DAB1: variants seen among roughly 807,000 people sequenced by gnomAD.
The protein encoded by DAB1 is disabled homolog 1.
A neutral mutation model predicts 64.6 loss-of-function variants in DAB1; 15 were observed. The ratio of observed to expected loss-of-function variants is 0.23; its 90% CI spans 0.16 to 0.36. The LOEUF is 0.36. Ranked by LOEUF, DAB1 falls within the 10% of genes least tolerant of loss-of-function variation. DAB1 has a pLI of 1.00. For synonymous variants in DAB1, 235 were observed against 251.9 expected (o/e 0.93, Z 0.64); for missense variants, 596 against 706.7 (o/e 0.84, Z 1.78).
chr1:58,418,990 G>A (rs1644747203), intron 3 of DAB1, among the ~76,000 whole-genome samples: 1 of 152,158 alleles, frequency 6.6e-6, no homozygotes, highest in South Asian at 2.1e-4. Flanking sequence ...ATGTTAGGGT[G>A]AATTCTTAAG....
intron 3 of DAB1, among the ~76,000 whole-genome samples, chr1:58,429,343 G>T (rs999075535): frequency 6.6e-6 from 1 of 152,200 alleles, no homozygotes; most frequent in Admixed American, 6.5e-5. Flanking sequence ...GAGAGCAGGC[G>T]GGGACAGAAA....
intron 3 of DAB1, among the ~76,000 whole-genome samples, chr1:58,473,397 C>CCGGGCGCGGTGG: frequency 6.6e-6 from 1 of 151,878 alleles, no homozygotes; most frequent in African/African-American, 2.4e-5. Context: ...AAAAAATTAG[C>CCGGGCGCGGTGG]CGGGCGCGGT....
intron 1 of DAB1, chr1:58,536,763 A>G: frequency 2.3e-6 from 2 of 863,156 alleles, no homozygotes; most frequent in South Asian, 1.3e-5. Flanking sequence ...AGAAAAATTC[A>G]AAGTTCTGAA....
At chr1:57,287,062 C>T (rs770583308) in intron 2 of DAB1, among the ~76,000 whole-genome samples, 4 of 151,928 alleles carry the variant, frequency 2.6e-5, no homozygotes, top group Middle Eastern at 3.2e-3. Flanking sequence ...GGGGAACTAA[C>T]AAGGTATGTT....
chr1:57,915,998 T>A lies in DAB1; in HGVS notation n.388-31836A>T, dbSNP rs557919448. ...AACTCCACTTCGTTGTTGGTTGGCATTGCTGCTTCCAGCCTGCTGCCAGTT... is the reference window on the plus strand; with the variant it reads ...AACTCCACTTCGTTGTTGGTTGGCAATGCTGCTTCCAGCCTGCTGCCAGTT... On this transcript the variant is annotated intron_variant and non_coding_transcript_variant, in intron 5 of 20. Transcript: ENST00000485760. Among the ~76,000 whole-genome samples, 53 of 152,216 alleles carry A rather than the reference T, an allele frequency of 3.5e-4. 1 individual carries two copies. The highest frequency in any genetic ancestry group is 6.3e-4 in the Non-Finnish European group (43 of 68,028).
intron 5 of DAB1, among the ~76,000 whole-genome samples, chr1:57,952,051 G>A (rs557534275): frequency 2.0e-5 from 3 of 152,144 alleles, no homozygotes; most frequent in Non-Finnish European, 2.9e-5. Flanking sequence ...TTTTACTAAT[G>A]CACCTCCTAC....
At chr1:58,463,592 A>G (rs928754145) in intron 3 of DAB1, among the ~76,000 whole-genome samples, 8 of 152,250 alleles carry the variant, frequency 5.3e-5, no homozygotes, top group Non-Finnish European at 1.2e-4. Flanking sequence ...TCTCATATGC[A>G]TAAGGTCATA....
intron 4 of DAB1, among the ~76,000 whole-genome samples, chr1:58,212,425 G>A (rs1257611814): frequency 1.3e-5 from 2 of 152,164 alleles, no homozygotes; most frequent in Admixed American, 1.3e-4. Flanking sequence ...TAAATTCATA[G>A]AGGTAACCTG....
At chr1:57,179,154 C>T (rs1477579101) in intron 2 of DAB1, among the ~76,000 whole-genome samples, 2 of 152,108 alleles carry the variant, frequency 1.3e-5, no homozygotes, top group East Asian at 3.9e-4. Flanking sequence ...AGCAAATGGG[C>T]ACATGGGGTT....
At chr1:57,355,346 TCCTTCCTTCCTTC>T (rs1679000599) in intron 1 of DAB1, among the ~76,000 whole-genome samples, 1 of 151,474 alleles carries the variant, frequency 6.6e-6, no homozygotes, top group Non-Finnish European at 1.5e-5. Context: ...CATCCTCCCT[TCCTTCCTTCCTTC>T]CCTTCCTTCC....
chr1:58,372,357 C>A (rs1416181681), intron 3 of DAB1, among the ~76,000 whole-genome samples: 1 of 152,200 alleles, frequency 6.6e-6, no homozygotes, highest in Non-Finnish European at 1.5e-5. Context: ...TGGCCAATTT[C>A]TCCCATTTAG....
chr1:58,162,048 C>G (rs1178335855), intron 4 of DAB1, among the ~76,000 whole-genome samples: 1 of 152,008 alleles, frequency 6.6e-6, no homozygotes, highest in Non-Finnish European at 1.5e-5. Flanking sequence ...GGGGCTGAGA[C>G]AGGTTATTTA....
At chr1:57,326,212 C>G (rs1332015432) in intron 1 of DAB1, among the ~76,000 whole-genome samples, 2 of 152,222 alleles carry the variant, frequency 1.3e-5, no homozygotes, top group African/African-American at 4.8e-5. Context: ...CCTCAGTCCA[C>G]CTTGTTCGCA....
chr1:58,241,935 G>A (rs1387117071), intron 4 of DAB1, among the ~76,000 whole-genome samples: 2 of 152,026 alleles, frequency 1.3e-5, no homozygotes, highest in South Asian at 2.1e-4. Flanking sequence ...ACTGAAAAGT[G>A]CATACACTTG....
chr1:58,062,300 G>GCTTTCTGT (rs1648550960), intron 5 of DAB1, among the ~76,000 whole-genome samples: 1 of 152,202 alleles, frequency 6.6e-6, no homozygotes, highest in Non-Finnish European at 1.5e-5. Context: ...GGGCTTGGTA[G>GCTTTCTGT]AGGTCACAGA....
chr1:58,405,317 C>T (rs1019644061), intron 3 of DAB1, among the ~76,000 whole-genome samples: 1 of 152,170 alleles, frequency 6.6e-6, no homozygotes, highest in Non-Finnish European at 1.5e-5. Context: ...TATTCTTTGT[C>T]ACATCATCTT....
At chr1:58,400,309 C>A (rs1256552229) in intron 3 of DAB1, among the ~76,000 whole-genome samples, 3 of 151,958 alleles carry the variant, frequency 2.0e-5, no homozygotes, top group Non-Finnish European at 4.4e-5. Context: ...CTGGGGCCAC[C>A]TCTCAGTTCC....
At chr1:58,064,748 A>C (rs11207163) in intron 5 of DAB1, among the ~76,000 whole-genome samples, 1 of 151,844 alleles carries the variant, frequency 6.6e-6, no homozygotes, top group East Asian at 1.9e-4. Context: ...TTGAGACGGA[A>C]TCTCGCTCTG....
chr1:57,514,206 G>C (rs1035034933), intron 7 of DAB1, among the ~76,000 whole-genome samples: 4 of 152,178 alleles, frequency 2.6e-5, no homozygotes, highest in African/African-American at 9.7e-5. Flanking sequence ...AAACCCAGTA[G>C]CAGGATTGCT....
Sources: gnomAD v4.1 joint callset for allele counts (sites outside exome capture counted in the v4.1 genomes callset) on GRCh38, gnomAD v4.1.1 for gene constraint, MANE v1.5 for transcripts, NCBI Gene and HGNC (gene_info 2026-07-23, HGNC 2026-07-21) for gene names.